HTR2C: variants seen among roughly 807,000 people sequenced by gnomAD.
The protein encoded by HTR2C is 5-hydroxytryptamine receptor 2C, also known as 5-hydroxytryptamine (serotonin) receptor 2C, G protein-coupled.
HTR2C carries 5 observed loss-of-function variants against 21.0 expected under a neutral mutation model. That is an observed-to-expected ratio of 0.24 (90% CI 0.12 to 0.50). The LOEUF is 0.50. Ranked by LOEUF, HTR2C falls within the 20% of genes least tolerant of loss-of-function variation. The pLI is 0.98. For synonymous variants in HTR2C, 150 were observed against 145.3 expected, an observed-to-expected ratio of 1.03 and a Z score of -0.23; for missense variants, 271 against 371.2, an observed-to-expected ratio of 0.73 and a Z score of 2.22.
intron 4 of HTR2C, among the ~76,000 whole-genome samples, chrX:114,751,217 T>C (rs1483578121): frequency 1.1e-4 from 10 of 89,790 alleles, no homozygotes; most frequent in Admixed American, 2.8e-4. Context: ...GATCATTCAT[T>C]TGGCAATTAT....
chrX:114,682,549 A>G (rs1173218471), intron 2 of HTR2C, among the ~76,000 whole-genome samples: 1 of 111,676 alleles, frequency 9.0e-6, no homozygotes, highest in Non-Finnish European at 1.9e-5. Context: ...CCTTGGAAAT[A>G]CAATTTATTT....
chrX:114,727,019 G>A (rs782219244), intron 3 of HTR2C, 48 bp downstream of exon 3: 2 of 764,702 alleles, frequency 2.6e-6, no homozygotes, highest in East Asian at 7.7e-5. Flanking sequence ...AACTTTGCTT[G>A]GTAGCTTGCT....
intron 4 of HTR2C, among the ~76,000 whole-genome samples, chrX:114,805,860 A>G (rs146631612): frequency 0.091 from 8,145 of 89,611 alleles, 533 homozygotes; most frequent in Middle Eastern, 0.2. Context: ...TATACCATAT[A>G]TATACCATAT....
chrX:114,752,286 A>G (rs2069767728), intron 4 of HTR2C, among the ~76,000 whole-genome samples: 1 of 112,047 alleles, frequency 8.9e-6, no homozygotes, highest in African/African-American at 3.2e-5. Context: ...AAATATTCAA[A>G]TATATTTGAA....
intron 4 of HTR2C, among the ~76,000 whole-genome samples, chrX:114,786,808 A>G (rs1165438350): frequency 9.0e-6 from 1 of 111,548 alleles, no homozygotes; most frequent in Admixed American, 9.5e-5. Flanking sequence ...ACTTCTCCTT[A>G]GGGGTCTCAG....
At chrX:114,640,457 A>T (rs1273866657) in intron 2 of HTR2C, among the ~76,000 whole-genome samples, 1 of 111,907 alleles carries the variant, frequency 8.9e-6, no homozygotes, top group East Asian at 2.8e-4. Context: ...ATCACATCTT[A>T]TCATTTGCCA....
In HTR2C at chrX:114,676,067, A is replaced by G. The variant is rs187909088; in HGVS notation, c.-79-50791A>G. The stretch of plus-strand genomic sequence containing the variant: ...GTATTTTTAGTAGAGACGAGGTTTT[A>G]CCATGTTGGCCAGGCTGGTTTCGAA... On this transcript the variant is annotated intron_variant, in intron 2 of 5. Transcript: ENST00000276198. 1.6e-4 allele frequency among the ~76,000 whole-genome samples: 18 copies of G among 110,324 alleles called. No homozygotes were observed. The East Asian group carries it at 4.3e-3, about 26-fold the overall frequency.
At chrX:114,758,699 T>G (rs1334057116) in intron 4 of HTR2C, among the ~76,000 whole-genome samples, 1 of 112,021 alleles carries the variant, frequency 8.9e-6, no homozygotes, top group East Asian at 2.8e-4. Flanking sequence ...CTAAACAAAT[T>G]AATGCTTCAT....
chrX:114,850,226 T>A (rs782155217), intron 5 of HTR2C, among the ~76,000 whole-genome samples: 1 of 110,319 alleles, frequency 9.1e-6, no homozygotes, highest in East Asian at 2.9e-4. Context: ...CTGGACAACA[T>A]GATGAAACCC....
chrX:114,691,524 C>A (rs1375700509), intron 2 of HTR2C, among the ~76,000 whole-genome samples: 1 of 111,532 alleles, frequency 9.0e-6, no homozygotes, highest in Non-Finnish European at 1.9e-5. Flanking sequence ...TTTGAATTTT[C>A]TTTTTGATTA....
At chrX:114,655,720 C>T (rs1375544467) in intron 2 of HTR2C, among the ~76,000 whole-genome samples, 2 of 111,115 alleles carry the variant, frequency 1.8e-5, no homozygotes, top group East Asian at 5.6e-4. Flanking sequence ...GAATTCTTTT[C>T]TACCTCTTAA....
intron 2 of HTR2C, among the ~76,000 whole-genome samples, chrX:114,723,773 A>T (rs1933323541): frequency 9.2e-6 from 1 of 108,944 alleles, no homozygotes; most frequent in Non-Finnish European, 1.9e-5. Context: ...TTCCTTATGT[A>T]CCCAGTAGTC....
At chrX:114,791,997 C>T (rs1288809707) in intron 4 of HTR2C, among the ~76,000 whole-genome samples, 1 of 111,935 alleles carries the variant, frequency 8.9e-6, no homozygotes, top group Non-Finnish European at 1.9e-5. Context: ...GCATTCAAAA[C>T]TCACTGTTCC....
chrX:114,594,438 G>T (rs1556392018), intron 1 of HTR2C, among the ~76,000 whole-genome samples: 1 of 110,889 alleles, frequency 9.0e-6, no homozygotes, highest in African/African-American at 3.3e-5. Context: ...TACATATATA[G>T]AAATTGAAAA....
At chrX:114,869,775 T>G (rs1247145955) in intron 5 of HTR2C, among the ~76,000 whole-genome samples, 1 of 112,118 alleles carries the variant, frequency 8.9e-6, no homozygotes, top group East Asian at 2.8e-4. Context: ...TTTTTCCCCA[T>G]TCAGTATGAT....
intron 2 of HTR2C, among the ~76,000 whole-genome samples, chrX:114,614,891 G>A (rs1556399699): frequency 9.0e-6 from 1 of 111,341 alleles, no homozygotes; most frequent in South Asian, 3.8e-4. Flanking sequence ...GACTGCATGG[G>A]GAATTCTCAA....
At chrX:114,679,532 G>A (rs1255677802) in intron 2 of HTR2C, among the ~76,000 whole-genome samples, 1 of 110,740 alleles carries the variant, frequency 9.0e-6, no homozygotes, top group Non-Finnish European at 1.9e-5. Context: ...GCCCGTCTCG[G>A]CCTCCCAAAG....
Position 114,781,791 on chromosome X carries a change from A to AGGT in HTR2C, c.349+50184_349+50185insGGT, listed in dbSNP as rs2070120630. Among the ~76,000 whole-genome samples the AGGT allele has an allele frequency of 2.6e-4, 25 of 97,647 alleles. No individual in the cohort carries two copies. The Admixed American group carries it at 2.7e-3, about 10-fold the overall frequency. The allele number at this position is 97,647 out of a possible 115,157, so 84.8% of individuals were successfully genotyped here. A position where few individuals can be genotyped will look rare whatever the true frequency, so the allele number is the denominator to read the frequency against. On this transcript the variant is annotated intron_variant, in intron 4 of 5. Transcript: ENST00000276198. The stretch of plus-strand genomic sequence containing the variant: ...GCTGAGATTACAAGCGTGAGCCACC[A>AGGT]CATCCCAGTCAACCCCGCCGTCTAA...
In HTR2C at chrX:114,762,013, A is replaced by AT. The variant is rs781876364; in HGVS notation, c.349+30407dup. Among the ~76,000 whole-genome samples the AT allele has an allele frequency of 8.3e-4, 59 of 70,743 alleles. 13 individuals are homozygous for AT. Among genetic ancestry groups the AT allele is most frequent in the African/African-American group, 2.6e-3 (57 of 22,065 alleles). The allele number at this position is 70,743 out of a possible 115,157, so 61.4% of individuals were successfully genotyped here. ...TACTATATATACACATATATATAGT[A>AT]TATATACTATTTGTACACATATATG... On this transcript the variant is annotated intron_variant, in intron 4 of 5. Coordinates refer to ENST00000276198, the MANE Select transcript of HTR2C (RefSeq NM_000868.4).
Sources: allele counts gnomAD v4.1 joint callset (sites outside exome capture counted in the v4.1 genomes callset), GRCh38; gene constraint gnomAD v4.1.1; transcripts MANE v1.5; gene names NCBI Gene and HGNC (gene_info 2026-07-23, HGNC 2026-07-21).